GRIK1: variants seen among roughly 807,000 people sequenced by gnomAD.
GRIK1 encodes glutamate receptor ionotropic, kainate 1.
A neutral mutation model predicts 105.7 loss-of-function variants in GRIK1; 69 were observed. The ratio of observed to expected loss-of-function variants is 0.65; its 90% CI spans 0.54 to 0.80. The LOEUF (loss-of-function observed/expected upper bound fraction) is 0.80, where lower values mean the gene tolerates loss of function less well. Ranked by LOEUF, GRIK1 falls within the 30% of genes least tolerant of loss-of-function variation. The pLI is 0.00. For missense variants in GRIK1, 1,109 were observed against 1,167.3 expected (o/e 0.95, Z 0.73); for synonymous variants, 438 against 431.3 (o/e 1.02, Z -0.19).
At chr21:29,847,993 T>G (rs2832448) in intron 1 of GRIK1, among the ~76,000 whole-genome samples, 47,560 of 151,780 alleles carry the variant, frequency 0.31, 8,019 homozygotes, top group East Asian at 0.46. Context: ...TTACTTAGCC[T>G]TAATTAACTA....
chr21:29,760,033 C>G (rs554485128), intron 1 of GRIK1: 1 of 152,140 alleles, frequency 6.6e-6, no homozygotes, highest in Admixed American at 6.6e-5. Flanking sequence ...TTACAGCTTC[C>G]TTTATGAGAA....
Position 29,587,505 on chromosome 21 carries a change from C to G in GRIK1, c.1654G>C (p.Gly552Arg), listed in dbSNP as rs151304866. The part of the protein sequence containing the change: ...IDFSKPFMTL[G>R]ISILYRKPNG... The stretch of plus-strand genomic sequence containing the variant: ...GGCTTCCGGTAGAGAATGCTGATGC[C>G]TAGGGTCATGAAGGGTTTGGAGAAG... Residue 552 changes from glycine to arginine, a missense_variant, in exon 12 of 18, where the codon GGC becomes CGC. Transcript: ENST00000327783. 2.2e-5 allele frequency: 35 copies of G among 1,613,302 alleles called. No homozygotes were observed. The highest frequency in any genetic ancestry group is 2.7e-5 in the Non-Finnish European group (32 of 1,179,390).
chr21:29,619,019 G>T (rs1173740462), intron 7 of GRIK1, among the ~76,000 whole-genome samples: 1 of 150,698 alleles, frequency 6.6e-6, no homozygotes, highest in African/African-American at 2.4e-5. Flanking sequence ...CCAGCTACTC[G>T]GGAGGCTGAG....
intron 1 of GRIK1, among the ~76,000 whole-genome samples, chr21:29,877,097 A>G (rs949390662): frequency 2.6e-5 from 4 of 152,320 alleles, no homozygotes; most frequent in African/African-American, 7.2e-5. Flanking sequence ...AGAAATCTGT[A>G]TCTCCATATG....
intron 1 of GRIK1, among the ~76,000 whole-genome samples, chr21:29,866,786 C>A (rs1400286852): frequency 6.6e-6 from 1 of 152,140 alleles, no homozygotes; most frequent in Admixed American, 6.5e-5. Flanking sequence ...CAAAAGAAAA[C>A]AAATTTTGAG....
intron 1 of GRIK1, among the ~76,000 whole-genome samples, chr21:29,837,414 CT>C (rs369059390): frequency 2.5e-4 from 38 of 152,272 alleles, no homozygotes; most frequent in Non-Finnish European, 3.5e-4. Context: ...GGAAGAACAA[CT>C]TCTAGATATT....
At chr21:29,538,896 A>G (rs1055324499) in intron 16 of GRIK1, among the ~76,000 whole-genome samples, 2 of 152,170 alleles carry the variant, frequency 1.3e-5, no homozygotes, top group Admixed American at 6.5e-5. Flanking sequence ...AATTTTTTCT[A>G]CTTGATTTCA....
intron 4 of GRIK1, among the ~76,000 whole-genome samples, chr21:29,672,395 C>T (rs1239583660): frequency 6.6e-6 from 1 of 151,758 alleles, no homozygotes; most frequent in East Asian, 1.9e-4. Context: ...TTTTTTTGAA[C>T]ATTACTCATG....
At chr21:29,748,547 C>G (rs75557546) in intron 1 of GRIK1, among the ~76,000 whole-genome samples, 2,264 of 152,308 alleles carry the variant, frequency 0.015, 63 homozygotes, top group African/African-American at 0.051. Context: ...CAACTTTGTG[C>G]AATGTTTTAC....
At chr21:29,639,554 C>T (rs1239114592) in intron 7 of GRIK1, among the ~76,000 whole-genome samples, 2 of 152,296 alleles carry the variant, frequency 1.3e-5, no homozygotes, top group East Asian at 3.9e-4. Flanking sequence ...TCAGCAGGTG[C>T]TGCAGATGGA....
intron 16 of GRIK1, among the ~76,000 whole-genome samples, chr21:29,552,337 A>G (rs2042496248): frequency 6.6e-6 from 1 of 152,150 alleles, no homozygotes; most frequent in African/African-American, 2.4e-5. Flanking sequence ...CTAGTGAGGA[A>G]TCATCAGATA....
intron 8 of GRIK1, among the ~76,000 whole-genome samples, chr21:29,598,344 T>C (rs755421765): frequency 6.6e-6 from 1 of 152,206 alleles, no homozygotes; most frequent in African/African-American, 2.4e-5. Context: ...AAATTAAGAA[T>C]GCAAAGTTAA....
intron 1 of GRIK1, among the ~76,000 whole-genome samples, chr21:29,741,628 C>T (rs2064931658): frequency 6.6e-6 from 1 of 152,122 alleles, no homozygotes; most frequent in Admixed American, 6.6e-5. Flanking sequence ...TACTAGAAGA[C>T]ACATATTTCT....
chr21:29,561,883 G>A (rs745433864), intron 14 of GRIK1, 34 bp from the exon 15 acceptor site: 2 of 1,294,988 alleles, frequency 1.5e-6, no homozygotes, highest in South Asian at 2.4e-5. Context: ...ACCAGCAGAA[G>A]AGGGCTGGAA....
intron 1 of GRIK1, among the ~76,000 whole-genome samples, chr21:29,801,605 A>G (rs2066713002): frequency 6.6e-6 from 1 of 152,208 alleles, no homozygotes; most frequent in Admixed American, 6.5e-5. Context: ...CATGTTTTAC[A>G]AGAAGACAGC....
At chr21:29,812,583 G>A (rs1292647244) in intron 1 of GRIK1, among the ~76,000 whole-genome samples, 1 of 152,104 alleles carries the variant, frequency 6.6e-6, no homozygotes, top group Non-Finnish European at 1.5e-5. Flanking sequence ...CCAGATCAGG[G>A]TTCCAAACTT....
intron 1 of GRIK1, among the ~76,000 whole-genome samples, chr21:29,707,621 G>A (rs984548006): frequency 6.6e-6 from 1 of 151,696 alleles, no homozygotes; most frequent in Non-Finnish European, 1.5e-5. Flanking sequence ...TCAGCCTCCC[G>A]AGTAGTTGGG....
At chr21:29,706,358 C>T (rs891453147) in intron 1 of GRIK1, among the ~76,000 whole-genome samples, 75 of 152,196 alleles carry the variant, frequency 4.9e-4, no homozygotes, top group African/African-American at 1.7e-3. Flanking sequence ...AAAAAGCTGA[C>T]AGCATCTCAG....
chr21:29,846,559 G>A (rs941352703), intron 1 of GRIK1, among the ~76,000 whole-genome samples: 1 of 152,106 alleles, frequency 6.6e-6, no homozygotes, highest in African/African-American at 2.4e-5. Flanking sequence ...CTGTTGAGCT[G>A]TTCTGAGATG....
Sources: gnomAD v4.1 joint callset for allele counts (sites outside exome capture counted in the v4.1 genomes callset) on GRCh38, gnomAD v4.1.1 for gene constraint, MANE v1.5 for transcripts, NCBI Gene and HGNC (gene_info 2026-07-23, HGNC 2026-07-21) for gene names.